Variants in LINGO2 observed in about 807,000 individuals in gnomAD.
LINGO2 encodes leucine rich repeat and Ig domain containing 2.
A neutral mutation model predicts 30.6 loss-of-function variants in LINGO2; 14 were observed. The observed-to-expected ratio is 0.46, with a 90% confidence interval of 0.30 to 0.72. The LOEUF (loss-of-function observed/expected upper bound fraction) is 0.72, where lower values mean the gene tolerates loss of function less well. LINGO2 is among the 30% of genes least tolerant of loss of function. The pLI is 0.07. For synonymous variants in LINGO2, 317 were observed against 288.5 expected (o/e 1.10, Z -1.00); for missense variants, 729 against 751.7 (o/e 0.97, Z 0.35).
At chr9:28,232,527 T>C (rs1023233505) in intron 4 of LINGO2, among the ~76,000 whole-genome samples, 10 of 152,142 alleles carry the variant, frequency 6.6e-5, no homozygotes, top group African/African-American at 2.4e-4. Flanking sequence ...ATATGATGTT[T>C]TGTTATATGT....
At chr9:28,137,619 A>G (rs1827555184) in intron 4 of LINGO2, among the ~76,000 whole-genome samples, 1 of 151,982 alleles carries the variant, frequency 6.6e-6, no homozygotes, top group African/African-American at 2.4e-5. Context: ...TTCTTACTGG[A>G]ATTTTTTAAC....
At chr9:28,616,406 C>A (rs1316676873) in intron 1 of LINGO2, among the ~76,000 whole-genome samples, 7 of 152,148 alleles carry the variant, frequency 4.6e-5, no homozygotes, top group Admixed American at 4.6e-4. Context: ...TGACCCACAT[C>A]AGCTGCTTTC....
chr9:28,782,355 A>T, the LINGO2 span, among the ~76,000 whole-genome samples: 1 of 152,150 alleles, frequency 6.6e-6, no homozygotes, highest in Non-Finnish European at 1.5e-5. Context: ...TCCTCCCTTC[A>T]TTCATTCACT....
At chr9:29,140,056 C>A in the LINGO2 span, among the ~76,000 whole-genome samples, 1 of 152,066 alleles carries the variant, frequency 6.6e-6, no homozygotes, top group Non-Finnish European at 1.5e-5. Flanking sequence ...GGGAAGCCCT[C>A]AGAATCTCTA....
chr9:27,990,725 C>T (rs953746136), intron 5 of LINGO2, among the ~76,000 whole-genome samples: 1 of 151,966 alleles, frequency 6.6e-6, no homozygotes, highest in African/African-American at 2.4e-5. Flanking sequence ...AGAATGAAAA[C>T]CCAGGTCTGC....
the LINGO2 span, among the ~76,000 whole-genome samples, chr9:28,846,843 G>C: frequency 6.8e-6 from 1 of 147,416 alleles, no homozygotes; most frequent in Non-Finnish European, 1.5e-5. Flanking sequence ...CAAAAAGCAA[G>C]ATGGTTTCCC....
chr9:28,883,289 G>A, the LINGO2 span, among the ~76,000 whole-genome samples: 1 of 151,904 alleles, frequency 6.6e-6, no homozygotes, highest in Non-Finnish European at 1.5e-5. Flanking sequence ...CTGCCTCCCG[G>A]GTTCAAGTGA....
chr9:28,803,285 G>T, the LINGO2 span, among the ~76,000 whole-genome samples: 1 of 151,666 alleles, frequency 6.6e-6, no homozygotes, highest in South Asian at 2.1e-4. Context: ...ATCATAAGTA[G>T]AAATAATATT....
the LINGO2 span, among the ~76,000 whole-genome samples, chr9:28,796,820 A>T: frequency 1.3e-5 from 2 of 151,874 alleles, no homozygotes; most frequent in African/African-American, 4.8e-5. Context: ...TGCATCCAAT[A>T]TAATGTTAAA....
chr9:28,743,199 G>C, the LINGO2 span, among the ~76,000 whole-genome samples: 1 of 151,616 alleles, frequency 6.6e-6, no homozygotes, highest in Admixed American at 6.6e-5. Context: ...ATCTTTTTAA[G>C]TATACTTTAA....
chr9:28,529,435 A>T (rs1821147221), intron 1 of LINGO2, among the ~76,000 whole-genome samples: 1 of 152,050 alleles, frequency 6.6e-6, no homozygotes, highest in African/African-American at 2.4e-5. Context: ...ATGGATTTAT[A>T]TCTGTTATCC....
At chr9:28,743,690 T>C in the LINGO2 span, among the ~76,000 whole-genome samples, 1 of 152,090 alleles carries the variant, frequency 6.6e-6, no homozygotes, top group Non-Finnish European at 1.5e-5. Flanking sequence ...CTGCCCTCTA[T>C]GGGATGAGTA....
rs181005589 is a variant in LINGO2 at position 28,540,117 on chromosome 9, C to T, written c.-364-64092G>A. Among the ~76,000 whole-genome samples, 3 of 152,232 alleles carry T rather than the reference C, an allele frequency of 2.0e-5. No homozygotes were observed. The East Asian group carries it at 5.8e-4, about 29-fold the overall frequency. On this transcript the variant is annotated intron_variant, in intron 1 of 5. Transcript: ENST00000379992. ...ACTCTGAAAAAACAGTTTGATAAGACTGGAAACACAGGACTCGGACTCTAA... is the reference window on the plus strand; with the variant it reads ...ACTCTGAAAAAACAGTTTGATAAGATTGGAAACACAGGACTCGGACTCTAA...
the LINGO2 span, among the ~76,000 whole-genome samples, chr9:28,958,701 A>G: frequency 1.3e-5 from 2 of 151,896 alleles, no homozygotes; most frequent in African/African-American, 4.8e-5. Flanking sequence ...ATAAGAAAGG[A>G]GAGAAGAGGA....
the LINGO2 span, among the ~76,000 whole-genome samples, chr9:29,203,733 C>A: frequency 1.3e-5 from 2 of 152,196 alleles, no homozygotes; most frequent in South Asian, 4.1e-4. Context: ...GCCACTTAAT[C>A]CTCTTGCCTA....
At chr9:28,023,073 C>A (rs971131578) in intron 4 of LINGO2, among the ~76,000 whole-genome samples, 3 of 151,958 alleles carry the variant, frequency 2.0e-5, no homozygotes, top group Non-Finnish European at 4.4e-5. Flanking sequence ...TGTGTATTTT[C>A]TACATTTTCA....
chr9:29,177,178 G>A, the LINGO2 span, among the ~76,000 whole-genome samples: 1 of 152,150 alleles, frequency 6.6e-6, no homozygotes, highest in Non-Finnish European at 1.5e-5. Context: ...TGTAGTAAGT[G>A]TAGCCATAAA....
chr9:28,632,114 TG>T (rs1287000532), intron 1 of LINGO2, among the ~76,000 whole-genome samples: 1 of 152,088 alleles, frequency 6.6e-6, no homozygotes, highest in African/African-American at 2.4e-5. Context: ...GTGTGACTGG[TG>T]TCTTAATAGG....
the LINGO2 span, among the ~76,000 whole-genome samples, chr9:29,098,273 A>G: frequency 1.3e-5 from 2 of 152,206 alleles, no homozygotes; most frequent in Non-Finnish European, 2.9e-5. Context: ...CTGGAGTCTC[A>G]TCCGTGTAAC....
Sources: allele counts gnomAD v4.1 joint callset (sites outside exome capture counted in the v4.1 genomes callset), GRCh38; gene constraint gnomAD v4.1.1; transcripts MANE v1.5; gene names NCBI Gene and HGNC (gene_info 2026-07-23, HGNC 2026-07-21).